The following OLFM3 variants were observed in gnomAD, a reference collection of about 807,000 sequenced individuals.
OLFM3 encodes olfactomedin 3, also known as noelin-3.
A neutral mutation model predicts 48.6 loss-of-function variants in OLFM3; 20 were observed. The ratio of observed to expected loss-of-function variants is 0.41; its 90% CI spans 0.29 to 0.60. OLFM3 has a LOEUF of 0.60. Ranked by LOEUF, OLFM3 falls within the 20% of genes least tolerant of loss-of-function variation. OLFM3 has a pLI of 0.28. For synonymous variants in OLFM3, 222 were observed against 198.1 expected, an observed-to-expected ratio of 1.12 and a Z score of -1.01; for missense variants, 437 against 544.3, an observed-to-expected ratio of 0.80 and a Z score of 1.96.
intron 1 of OLFM3, among the ~76,000 whole-genome samples, chr1:101,932,705 T>G (rs971471331): frequency 6.6e-6 from 1 of 152,162 alleles, no homozygotes; most frequent in African/African-American, 2.4e-5. Context: ...CCCACACAGA[T>G]GACAAAGAAC....
At chr1:101,930,795 A>C (rs1261583672) in intron 1 of OLFM3, among the ~76,000 whole-genome samples, 1 of 152,190 alleles carries the variant, frequency 6.6e-6, no homozygotes, top group Admixed American at 6.5e-5. Context: ...CATTTGAATA[A>C]TTTTACCCAG....
intron 1 of OLFM3, among the ~76,000 whole-genome samples, chr1:101,878,193 T>C (rs781029917): frequency 1.3e-5 from 2 of 151,904 alleles, no homozygotes; most frequent in Non-Finnish European, 2.9e-5. Flanking sequence ...ATCAGAGAAG[T>C]GTGGGTACTA....
chr1:101,943,694 G>A (rs1659862587), intron 1 of OLFM3, among the ~76,000 whole-genome samples: 1 of 151,962 alleles, frequency 6.6e-6, no homozygotes, highest in Admixed American at 6.6e-5. Context: ...AGCTTTAGCT[G>A]GAATGTTTTC....
chr1:101,810,700 G>A (rs1377770249), intron 4 of OLFM3, among the ~76,000 whole-genome samples: 1 of 151,852 alleles, frequency 6.6e-6, no homozygotes, highest in Non-Finnish European at 1.5e-5. Context: ...TTTTAATTTG[G>A]CCTTTATCCT....
At chr1:101,935,175 C>T (rs765514564) in intron 1 of OLFM3, among the ~76,000 whole-genome samples, 2 of 150,968 alleles carry the variant, frequency 1.3e-5, no homozygotes, top group Non-Finnish European at 3.0e-5. Context: ...AAGACATCAA[C>T]GAATCTAGGA....
At chr1:101,835,583 G>A (rs1199009926) in intron 2 of OLFM3, among the ~76,000 whole-genome samples, 1 of 152,200 alleles carries the variant, frequency 6.6e-6, no homozygotes, top group Non-Finnish European at 1.5e-5. Context: ...CCAAAGTGTT[G>A]GGATTACAGG....
At chr1:101,952,504 C>T (rs541445404) in intron 1 of OLFM3, among the ~76,000 whole-genome samples, 2 of 151,836 alleles carry the variant, frequency 1.3e-5, no homozygotes, top group Non-Finnish European at 2.9e-5. Context: ...TTTTGCATCT[C>T]TCTGGGATGA....
At chr1:101,951,690 G>A (rs1284513256) in intron 1 of OLFM3, among the ~76,000 whole-genome samples, 1 of 152,146 alleles carries the variant, frequency 6.6e-6, no homozygotes, top group Non-Finnish European at 1.5e-5. Context: ...TAGCAAACAT[G>A]CACTATTCTT....
intron 4 of OLFM3, among the ~76,000 whole-genome samples, chr1:101,823,807 C>G (rs1654719563): frequency 6.6e-6 from 1 of 151,926 alleles, no homozygotes; most frequent in African/African-American, 2.4e-5. Flanking sequence ...GAATAAAGAA[C>G]TGAGGATTCT....
chr1:101,816,788 G>A (rs1257363847), intron 4 of OLFM3, among the ~76,000 whole-genome samples: 1 of 152,054 alleles, frequency 6.6e-6, no homozygotes, highest in Admixed American at 6.6e-5. Context: ...TGTGGTTGTG[G>A]TCAAATAAAC....
chr1:101,908,874 T>A (rs777766527), intron 1 of OLFM3, among the ~76,000 whole-genome samples: 4 of 152,160 alleles, frequency 2.6e-5, no homozygotes, highest in Non-Finnish European at 5.9e-5. Flanking sequence ...AAAAATAAAG[T>A]TTCCCCTACA....
chr1:101,813,148 T>A, intron 4 of OLFM3: 1 of 1,255,096 alleles, frequency 8.0e-7, no homozygotes, highest in Non-Finnish European at 1.0e-6. Flanking sequence ...TTAAATCAAC[T>A]GGAAAGGAAA....
In OLFM3 at chr1:101,804,959, C is replaced by T. The variant is rs747681029; in HGVS notation, c.700-44G>A. On this transcript the variant is annotated intron_variant, in intron 5 of 5. Transcript: ENST00000370103. The surrounding 1 kb of genome is among the most constrained non-coding windows in gnomAD (Gnocchi z 4.5). Reference sequence around the variant, plus strand: ...ATAAATGGAGTGACTAAATTCTGTACTTTTCTGATAACCCCAAAAGAAAGA... The same window carrying T: ...ATAAATGGAGTGACTAAATTCTGTATTTTTCTGATAACCCCAAAAGAAAGA... The T allele has an allele frequency of 3.4e-6, 5 of 1,452,068 alleles. No individual in the cohort carries two copies. The Admixed American group carries it at 7.6e-5, about 22-fold the overall frequency. The allele number at this position is 1,452,068 out of a possible 1,614,324, so 89.9% of individuals were successfully genotyped here. A position where few individuals can be genotyped will look rare whatever the true frequency, so the allele number is the denominator to read the frequency against.
At chr1:101,871,541 C>T (rs1657084162) in intron 1 of OLFM3, among the ~76,000 whole-genome samples, 1 of 151,982 alleles carries the variant, frequency 6.6e-6, no homozygotes, top group African/African-American at 2.4e-5. Flanking sequence ...GACAGACTAT[C>T]AATAGACACA....
chr1:101,808,120 T>G (rs922498694), intron 4 of OLFM3, among the ~76,000 whole-genome samples: 2 of 124,294 alleles, frequency 1.6e-5, no homozygotes, highest in African/African-American at 5.9e-5. Context: ...TCTTTTCCCC[T>G]AAAAACGTCA....
chr1:101,976,164 T>G (rs542683680), intron 1 of OLFM3, among the ~76,000 whole-genome samples: 1 of 152,362 alleles, frequency 6.6e-6, no homozygotes, highest in African/African-American at 2.4e-5. Context: ...TTGTTATTAT[T>G]TTAGAGTAAA....
At chr1:101,933,400 A>G (rs1244796147) in intron 1 of OLFM3, among the ~76,000 whole-genome samples, 2 of 151,978 alleles carry the variant, frequency 1.3e-5, no homozygotes, top group Admixed American at 1.3e-4. Context: ...TAACTCAGTT[A>G]GACAAAAATA....
rs57233489 is a variant in OLFM3, at chr1:101,898,212, G to A, written c.70-61187C>T. Among the ~76,000 whole-genome samples, 40 of 152,212 alleles carry A rather than the reference G, an allele frequency of 2.6e-4. 1 individual carries two copies. The highest frequency in any genetic ancestry group is 7.2e-4 in the Admixed American group (11 of 15,272). On this transcript the variant is annotated intron_variant, in intron 1 of 5. Transcript: ENST00000370103. Reference sequence around the variant, plus strand: ...AGTTTAAAAAACTGATTATTTTTGAGCAATCATTATATAGAATATAATATT... The same window carrying A: ...AGTTTAAAAAACTGATTATTTTTGAACAATCATTATATAGAATATAATATT...
intron 4 of OLFM3, among the ~76,000 whole-genome samples, chr1:101,815,012 G>A (rs940833322): frequency 6.6e-6 from 1 of 152,092 alleles, no homozygotes; most frequent in African/African-American, 2.4e-5. Flanking sequence ...AGTCCACATT[G>A]TTTGTAAACT....
Sources: allele counts gnomAD v4.1 joint callset (sites outside exome capture counted in the v4.1 genomes callset), GRCh38; gene constraint gnomAD v4.1.1; non-coding constraint Gnocchi (gnomAD v3.1); transcripts MANE v1.5; gene names NCBI Gene and HGNC (gene_info 2026-07-23, HGNC 2026-07-21).